HOMER2: variants seen among roughly 807,000 people sequenced by gnomAD.
HOMER2 encodes the protein homer scaffold protein 2.
In HOMER2, 27 loss-of-function variants were observed where a neutral mutation model predicts 47.0. That is an observed-to-expected ratio of 0.57 (90% CI 0.42 to 0.79). HOMER2 has a LOEUF of 0.79. Among genes scored for constraint, HOMER2 ranks in the 30% least tolerant of loss-of-function variants. The probability of loss-of-function intolerance (pLI) is 0.00; values close to 1 mark genes in which losing one functional copy is unlikely to be tolerated. For synonymous variants in HOMER2, 161 were observed against 163.8 expected (o/e 0.98, Z 0.13); for missense variants, 443 against 435.0 (o/e 1.02, Z -0.16).
intron 1 of HOMER2, among the ~76,000 whole-genome samples, chr15:82,933,889 T>C (rs1007294244): frequency 3.3e-5 from 5 of 152,118 alleles, no homozygotes; most frequent in African/African-American, 1.2e-4. Context: ...ATAGGTGCCA[T>C]CACTCTACCT....
At chr15:82,986,128 G>A (rs1173793368), upstream of HOMER2, 1 of 984,650 alleles carries the variant, frequency 1.0e-6, no homozygotes, top group Non-Finnish European at 1.2e-6. Context: ...GCGATCTGTT[G>A]CAAAGCGATC....
intron 2 of HOMER2, among the ~76,000 whole-genome samples, chr15:82,891,518 T>A (rs1232904255): frequency 6.6e-6 from 1 of 152,142 alleles, no homozygotes; most frequent in Admixed American, 6.5e-5. Flanking sequence ...TCTCGTGCCT[T>A]CCCTGGGAGA....
At chr15:82,859,619 G>A (rs1171479105) in intron 4 of HOMER2, among the ~76,000 whole-genome samples, 3 of 152,142 alleles carry the variant, frequency 2.0e-5, no homozygotes, top group Non-Finnish European at 4.4e-5. Context: ...GGGCTATGGA[G>A]AGTTAGATCA....
chr15:82,865,992 C>T (rs1721131824), intron 3 of HOMER2, among the ~76,000 whole-genome samples: 1 of 152,224 alleles, frequency 6.6e-6, no homozygotes, highest in Non-Finnish European at 1.5e-5. Flanking sequence ...AGAGTCCCTA[C>T]TGGGGCACTG....
chr15:82,980,167 A>G (rs964881778), intron 1 of HOMER2, among the ~76,000 whole-genome samples: 4 of 152,032 alleles, frequency 2.6e-5, no homozygotes, highest in African/African-American at 9.7e-5. Flanking sequence ...GTTATATACC[A>G]CTAAGAGTTA....
At chr15:82,860,378 A>G (rs2667377) in intron 4 of HOMER2, among the ~76,000 whole-genome samples, 60,693 of 148,076 alleles carry the variant, frequency 0.41, 13,144 homozygotes, top group East Asian at 0.7. Context: ...GGTGGGGGGG[A>G]GCAAATGAGT....
At chr15:82,853,294 C>A (rs927687510) in intron 6 of HOMER2, among the ~76,000 whole-genome samples, 1 of 152,216 alleles carries the variant, frequency 6.6e-6, no homozygotes. Flanking sequence ...CAGACTGAGA[C>A]CAAAGTGAGA....
chr15:82,941,003 T>G (rs531475440), intron 1 of HOMER2, among the ~76,000 whole-genome samples: 11 of 152,282 alleles, frequency 7.2e-5, no homozygotes, highest in African/African-American at 2.4e-4. Flanking sequence ...CTCAGATCCA[T>G]TACAGAGCAA....
intron 3 of HOMER2, among the ~76,000 whole-genome samples, chr15:82,865,426 T>G (rs1186608481): frequency 6.6e-6 from 1 of 152,190 alleles, no homozygotes; most frequent in Non-Finnish European, 1.5e-5. Context: ...CAAATAAGTT[T>G]GTTCAGTGAA....
Position 82,849,706 on chromosome 15 carries a change from C to CGGCCA in HOMER2, c.*4_*8dup. On this transcript the variant is annotated 3_prime_UTR_variant, in exon 9 of 9. Coordinates refer to ENST00000450735, the MANE Select transcript of HOMER2 (RefSeq NM_004839.4). ...GGACTCACGGGCGGGGCCTGGGCCT[C>CGGCCA]GGCCAGCCCTAGTTATCGGTGCCCA... is the stretch of plus-strand genomic sequence containing the variant. 6.2e-7 allele frequency: 1 copy of CGGCCA among 1,610,082 alleles called. No homozygotes were observed. The highest frequency in any genetic ancestry group is 8.5e-7 in the Non-Finnish European group (1 of 1,178,200).
Position 82,928,940 on chromosome 15 carries a change from T to TAAAAAAA in HOMER2, c.5+23584_5+23590dup. ...TAACAACTGGCAAAAAAATAAAAACTAAAAAAAAAAAAAAAAAAAAGCTGT... is the reference window on the plus strand; with the variant it reads ...TAACAACTGGCAAAAAAATAAAAACTAAAAAAAAAAAAAAAAAAAAAAAAAAAGCTGT... On this transcript the variant is annotated intron_variant, in intron 1 of 8. Transcript: ENST00000450735. Among the ~76,000 whole-genome samples, 32 of 39,866 alleles carry TAAAAAAA rather than the reference T, an allele frequency of 8.0e-4. 1 individual carries two copies. Among genetic ancestry groups the TAAAAAAA allele is most frequent in the East Asian group, 2.7e-3 (3 of 1,122 alleles). The allele number at this position is 39,866 out of a possible 152,430, so 26.2% of individuals were successfully genotyped here. A position where few individuals can be genotyped will look rare whatever the true frequency, so the allele number is the denominator to read the frequency against.
At chr15:82,864,839 T>A (rs1316904076) in intron 3 of HOMER2, among the ~76,000 whole-genome samples, 1 of 152,250 alleles carries the variant, frequency 6.6e-6, no homozygotes, top group African/African-American at 2.4e-5. Flanking sequence ...TATCACCCAT[T>A]AGCTTATTGC....
intron 5 of HOMER2, among the ~76,000 whole-genome samples, chr15:82,856,839 G>GCTGTGGAAGGGGACAGGCTGC (rs1231613860): frequency 1.3e-5 from 2 of 152,168 alleles, no homozygotes; most frequent in African/African-American, 2.4e-5. Flanking sequence ...GGCGGCTCTG[G>GCTGTGGAAGGGGACAGGCTGC]CTGTGGAAGG....
intron 2 of HOMER2, among the ~76,000 whole-genome samples, chr15:82,881,703 G>GA (rs1018374259): frequency 6.6e-6 from 1 of 152,184 alleles, no homozygotes; most frequent in African/African-American, 2.4e-5. Context: ...ATTTCCAAAA[G>GA]AAAATACCAA....
upstream of HOMER2, among the ~76,000 whole-genome samples, chr15:82,957,038 A>G (rs2054593584): frequency 6.6e-6 from 1 of 152,218 alleles, no homozygotes; most frequent in South Asian, 2.1e-4. Context: ...GCACTTTGGG[A>G]GGCTGAGCCG....
rs1252599559 is a variant in HOMER2 at position 82,913,221 on chromosome 15, G to C, written c.6-20380C>G. Among the ~76,000 whole-genome samples, 2 of 152,128 alleles carry C rather than the reference G, an allele frequency of 1.3e-5. No homozygotes were observed. Among genetic ancestry groups the C allele is most frequent in the Non-Finnish European group, 2.9e-5 (2 of 68,014 alleles). On this transcript the variant is annotated intron_variant, in intron 1 of 8. Transcript: ENST00000450735. The surrounding 1 kb of genome is among the most constrained non-coding windows in gnomAD (Gnocchi z 4.1). ...AGTGCCACGATGGAGTTAAAGCTCA[G>C]CATCCCTGTGCCCTGGAGAGGGTGG...
At chr15:82,975,496 G>A (rs2030168159) in intron 1 of HOMER2, among the ~76,000 whole-genome samples, 1 of 152,136 alleles carries the variant, frequency 6.6e-6, no homozygotes, top group Middle Eastern at 3.2e-3. Context: ...AACAAAGTGT[G>A]GTACATATAC....
At chr15:82,960,943 C>G (rs891477324) in intron 1 of HOMER2, among the ~76,000 whole-genome samples, 1 of 152,238 alleles carries the variant, frequency 6.6e-6, no homozygotes, top group East Asian at 1.9e-4. Flanking sequence ...GTCTGTTCCA[C>G]AAAGCCCTGG....
intron 1 of HOMER2, among the ~76,000 whole-genome samples, chr15:82,982,794 G>A (rs61115897): frequency 2.3e-3 from 343 of 152,218 alleles, no homozygotes; most frequent in African/African-American, 7.4e-3. Flanking sequence ...CTTGATTCCC[G>A]ATACTAGGTG....
Sources: allele counts gnomAD v4.1 joint callset (sites outside exome capture counted in the v4.1 genomes callset), GRCh38; gene constraint gnomAD v4.1.1; non-coding constraint Gnocchi (gnomAD v3.1); transcripts MANE v1.5; gene names NCBI Gene and HGNC (gene_info 2026-07-23, HGNC 2026-07-21).